Variants in CAPN13 observed in about 807,000 individuals in gnomAD.
The protein encoded by CAPN13 is calpain-13.
Under a neutral mutation model 98.4 loss-of-function variants are expected in CAPN13, and 90 were observed. That is an observed-to-expected ratio of 0.92 (90% confidence interval 0.77 to 1.09). The LOEUF is 1.09. Among genes scored for constraint, CAPN13 ranks in the 50% least tolerant of loss-of-function variants. CAPN13 has a pLI of 0.00. For missense variants in CAPN13, 887 were observed against 841.3 expected, an observed-to-expected ratio of 1.05 and a Z score of -0.67; for synonymous variants, 330 against 305.5, an observed-to-expected ratio of 1.08 and a Z score of -0.84.
Position 30,803,046 on chromosome 2 carries a change from C to T in CAPN13, c.-33+4256G>A, listed in dbSNP as rs76540639. The stretch of plus-strand genomic sequence containing the variant: ...CCAGCCCCTGCAGAAAGCCTCTGCC[C>T]TCATCTCCCCCAGGGCCATGCCATC... On this transcript the variant is annotated intron_variant, in intron 1 of 22. Coordinates refer to ENST00000295055, the MANE Select transcript of CAPN13 (RefSeq NM_144575.3). Among the ~76,000 whole-genome samples, 1,154 of 152,284 alleles carry T rather than the reference C, an allele frequency of 7.6e-3. 6 individuals carry two copies. The highest frequency in any genetic ancestry group is 0.013 in the Non-Finnish European group (852 of 68,010).
chr2:30,767,165 C>T (rs535510060), intron 5 of CAPN13, among the ~76,000 whole-genome samples: 3 of 152,332 alleles, frequency 2.0e-5, no homozygotes, highest in East Asian at 1.9e-4. Context: ...CATTTCACCT[C>T]GCTGAGCCTC....
intron 18 of CAPN13, among the ~76,000 whole-genome samples, chr2:30,735,009 ATATT>A (rs1311406701): frequency 6.6e-6 from 1 of 152,206 alleles, no homozygotes; most frequent in African/African-American, 2.4e-5. Context: ...AAATGACTAA[ATATT>A]TATAAAGTGC....
At chr2:30,800,701 C>A (rs888468961) in intron 1 of CAPN13, among the ~76,000 whole-genome samples, 7 of 152,134 alleles carry the variant, frequency 4.6e-5, no homozygotes, top group Non-Finnish European at 1.0e-4. Flanking sequence ...AAAATAGGAA[C>A]CCACAGAATG....
In CAPN13 at chr2:30,806,519, G is replaced by T. The variant is rs72853810; in HGVS notation, c.-33+783C>A. 9.2e-3 allele frequency among the ~76,000 whole-genome samples: 1,400 copies of T among 152,284 alleles called. 13 individuals carry two copies. Among genetic ancestry groups the T allele is most frequent in the African/African-American group, 0.032 (1,334 of 41,556 alleles). On this transcript the variant is annotated intron_variant, in intron 1 of 22. Coordinates refer to ENST00000295055, the MANE Select transcript of CAPN13 (RefSeq NM_144575.3). Reference sequence around the variant, plus strand: ...AAAGTCTAGTTAATGCCACTCGGGGGTAACCAAAGTTGTGTTTGTGACCCA... The same window carrying T: ...AAAGTCTAGTTAATGCCACTCGGGGTTAACCAAAGTTGTGTTTGTGACCCA...
chr2:30,760,286 C>T (rs902073317), intron 7 of CAPN13, among the ~76,000 whole-genome samples: 1 of 152,150 alleles, frequency 6.6e-6, no homozygotes, highest in Admixed American at 6.5e-5. Context: ...GGGGTTTCAC[C>T]GTGTTAGCCA....
At chr2:30,790,939 C>T (rs1674577025) in intron 1 of CAPN13, among the ~76,000 whole-genome samples, 1 of 152,128 alleles carries the variant, frequency 6.6e-6, no homozygotes, top group Non-Finnish European at 1.5e-5. Context: ...TCAGATTAGT[C>T]CTCACTTTTA....
intron 8 of CAPN13, among the ~76,000 whole-genome samples, chr2:30,755,514 G>A (rs971692425): frequency 6.6e-6 from 1 of 152,140 alleles, no homozygotes; most frequent in Non-Finnish European, 1.5e-5. Flanking sequence ...TCGTTGGAAC[G>A]ATGTGTTCCA....
intron 18 of CAPN13, among the ~76,000 whole-genome samples, chr2:30,735,209 T>C (rs1303014051): frequency 5.3e-5 from 8 of 152,156 alleles, no homozygotes; most frequent in Admixed American, 2.6e-4. Context: ...ATAATCCTGG[T>C]CAACATCGTA....
intron 2 of CAPN13, 48 bp downstream of exon 2, chr2:30,787,080 G>T: frequency 1.4e-6 from 2 of 1,436,954 alleles, no homozygotes; most frequent in South Asian, 2.9e-5. Context: ...CATGGCAGGC[G>T]ACTCCGAGGA....
chr2:30,741,464 TA>T, intron 15 of CAPN13: 2 of 1,006,944 alleles, frequency 2.0e-6, no homozygotes, highest in Non-Finnish European at 2.4e-6. Context: ...ATTAAGCCAT[TA>T]AGGAAATCCT....
rs1283642774 is a variant in CAPN13 at position 30,751,135 on chromosome 2, C to T, written c.1204G>A (p.Ala402Thr). The change falls in exon 11 of 23, where the codon GCA becomes ACA. Residue 402 changes from alanine to threonine, a missense_variant. Transcript: ENST00000295055. ...ACTTGGAAATCGAGTGGAAATTTTG[C>T]ATCTTCTGCTTTCAAATTTGATGGT... ...VTPSNLKAED[A>T]KFPLDFQVIL... 6.2e-7 allele frequency: 1 copy of T among 1,613,850 alleles called. No individual in the cohort carries two copies. The highest frequency in any genetic ancestry group is 8.5e-7 in the Non-Finnish European group (1 of 1,179,822).
At chr2:30,743,681 C>A (rs1273951479) in intron 12 of CAPN13, 102 bp from the exon 13 acceptor site, 3 of 989,020 alleles carry the variant, frequency 3.0e-6, no homozygotes, top group African/African-American at 1.6e-5. Context: ...CTCCATTCAC[C>A]AAGATAACAT....
intron 7 of CAPN13, among the ~76,000 whole-genome samples, chr2:30,760,750 C>T (rs2148015103): frequency 6.6e-6 from 1 of 152,310 alleles, no homozygotes; most frequent in South Asian, 2.1e-4. Flanking sequence ...TCCTTTATGA[C>T]AGTGACCTAT....
chr2:30,787,491 G>T, intron 1 of CAPN13, 134 bp from the exon 2 acceptor site: 1 of 596,478 alleles, frequency 1.7e-6, no homozygotes, highest in Non-Finnish European at 2.8e-6. Context: ...TGTCCCTGGT[G>T]GCACAGTCAG....
chr2:30,730,865 T>A (rs1181372975), intron 21 of CAPN13, 79 bp from the exon 22 acceptor site: 1 of 773,886 alleles, frequency 1.3e-6, no homozygotes, highest in Non-Finnish European at 2.4e-6. Context: ...GCCACCCTCC[T>A]CCCTCGGAAG....
intron 18 of CAPN13, among the ~76,000 whole-genome samples, chr2:30,735,806 A>T (rs1248244264): frequency 1.3e-5 from 2 of 152,198 alleles, no homozygotes; most frequent in Non-Finnish European, 2.9e-5. Context: ...ATTAGTTTTT[A>T]AAAACAGATT....
At chr2:30,749,335 A>T (rs1446060384) in intron 11 of CAPN13, among the ~76,000 whole-genome samples, 2 of 152,226 alleles carry the variant, frequency 1.3e-5, no homozygotes. Context: ...CAAATCTCAA[A>T]TGCAAAATAC....
intron 22 of CAPN13, among the ~76,000 whole-genome samples, chr2:30,724,575 A>C (rs1670793739): frequency 1.3e-5 from 2 of 151,926 alleles, no homozygotes; most frequent in Non-Finnish European, 2.9e-5. Context: ...TGGAGTGTAC[A>C]TGTCGGTTTC....
chr2:30,734,654 A>G, intron 18 of CAPN13, 130 bp from the exon 19 acceptor site: 1 of 721,130 alleles, frequency 1.4e-6, no homozygotes, highest in East Asian at 2.7e-5. Context: ...GACTGGGAGG[A>G]CACAGTGGCC....
Sources: gnomAD v4.1 joint callset for allele counts (sites outside exome capture counted in the v4.1 genomes callset) on GRCh38, gnomAD v4.1.1 for gene constraint, MANE v1.5 for transcripts, NCBI Gene and HGNC (gene_info 2026-07-23, HGNC 2026-07-21) for gene names.